PECAM1: variants seen among roughly 807,000 people sequenced by gnomAD.
The protein encoded by PECAM1 is platelet and endothelial cell adhesion molecule 1.
Under a neutral mutation model 13.8 loss-of-function variants are expected in PECAM1, and 8 were observed. The ratio of observed to expected loss-of-function variants is 0.58; its 90% CI spans 0.34 to 1.05. PECAM1 has a LOEUF of 1.05. PECAM1 is among the 50% of genes least tolerant of loss of function. PECAM1 has a pLI of 0.03. For missense variants in PECAM1, 304 were observed against 141.2 expected, an observed-to-expected ratio of 2.15 and a Z score of -5.84; for synonymous variants, 136 against 52.6, an observed-to-expected ratio of 2.58 and a Z score of -6.86.
intron 14 of PECAM1, among the ~76,000 whole-genome samples, chr17:64,339,546 C>T (rs4968621): frequency 0.5 from 76,112 of 151,454 alleles, 19,332 homozygotes; most frequent in Non-Finnish European, 0.54. Context: ...TTTTGTACAA[C>T]TGCACAATGG....
rs1400635487 is a variant in PECAM1 at position 64,390,624 on chromosome 17, TCCAAGCCACATCGTG to T, written c.27_41del (p.Thr10_Gly14del). On this transcript the variant is annotated inframe_deletion, in exon 1 of 16. Transcript: ENST00000563924. ...CACAGAGCAGAAGGGTCAGCAGGAC[TCCAAGCCACATCGTG>T]GCCCCTTGGGCCCACCTCGGCTGCA... 13 of 469,776 alleles carry T rather than the reference TCCAAGCCACATCGTG, an allele frequency of 2.8e-5. No homozygotes were observed. In the Admixed American group the frequency reaches 4.2e-4, roughly 15 times the overall value. The allele number at this position is 469,776 out of a possible 1,614,324, so 29.1% of individuals were successfully genotyped here. A position where few individuals can be genotyped will look rare whatever the true frequency, so the allele number is the denominator to read the frequency against.
chr17:64,380,394 G>A (rs1427046160), intron 2 of PECAM1, among the ~76,000 whole-genome samples: 2 of 152,006 alleles, frequency 1.3e-5, no homozygotes, highest in Non-Finnish European at 2.9e-5. Flanking sequence ...GGAAAAAAAT[G>A]TACTGAAAGT....
chr17:64,336,785 G>A (rs1429890249), intron 14 of PECAM1, among the ~76,000 whole-genome samples: 1 of 152,056 alleles, frequency 6.6e-6, no homozygotes, highest in Non-Finnish European at 1.5e-5. Context: ...TTGAGCCCAG[G>A]AGGTGGAGGC....
chr17:64,334,128 A>AG (rs1297156182), intron 14 of PECAM1, among the ~76,000 whole-genome samples: 9 of 149,712 alleles, frequency 6.0e-5, no homozygotes, highest in African/African-American at 2.2e-4. Context: ...AATTAAAAAA[A>AG]AAAAAAAAAA....
chr17:64,339,172 G>A (rs2035363242), intron 14 of PECAM1, among the ~76,000 whole-genome samples: 1 of 152,124 alleles, frequency 6.6e-6, no homozygotes, highest in South Asian at 2.1e-4. Flanking sequence ...CCTGCAGCGA[G>A]GATCCCTGCA....
intron 13 of PECAM1, among the ~76,000 whole-genome samples, chr17:64,347,698 T>C (rs934905404): frequency 1.1e-4 from 16 of 144,272 alleles, no homozygotes; most frequent in African/African-American, 4.1e-4. Flanking sequence ...TATGTATTTA[T>C]ATTTATATAT....
intron 13 of PECAM1, among the ~76,000 whole-genome samples, chr17:64,345,219 C>T (rs118194358): frequency 0.011 from 1,618 of 152,140 alleles, 48 homozygotes; most frequent in African/African-American, 0.037. Flanking sequence ...CTTGTAATCC[C>T]AGCACTTTGG....
intron 5 of PECAM1, among the ~76,000 whole-genome samples, chr17:64,364,358 G>A (rs144808936): frequency 0.41 from 62,546 of 151,522 alleles, 14,264 homozygotes; most frequent in South Asian, 0.58. Context: ...AAAGAGTCCA[G>A]GACCAGATGG....
At chr17:64,339,294 G>A (rs936422224) in intron 14 of PECAM1, among the ~76,000 whole-genome samples, 158 of 152,216 alleles carry the variant, frequency 1.0e-3, no homozygotes, top group Non-Finnish European at 2.0e-3. Flanking sequence ...GGCTTGCTGC[G>A]TGATCTTGGG....
At position 64,323,535 on chromosome 17, in the gene PECAM1, G is replaced by T. The variant is rs56074393; in HGVS notation, c.*281C>A. On this transcript the variant is annotated 3_prime_UTR_variant, in exon 16 of 16. Coordinates refer to ENST00000563924, the MANE Select transcript of PECAM1 (RefSeq NM_000442.5). The stretch of plus-strand genomic sequence containing the variant: ...AGTTTCAGAATATCCCAATGGCCTT[G>T]CCCTGGATCTCCTCTTGTGCTCTTC... 2.4e-5 allele frequency: 34 copies of T among 1,391,242 alleles called. No individual in the cohort carries two copies. The African/African-American group carries it at 4.5e-4, about 18-fold the overall frequency. 86.2% of individuals were successfully genotyped at this position (1,391,242 alleles called of 1,614,324 possible). A position where few individuals can be genotyped will look rare whatever the true frequency, so the allele number is the denominator to read the frequency against.
At chr17:64,369,311 A>G (rs2036185618) in intron 5 of PECAM1, among the ~76,000 whole-genome samples, 1 of 152,196 alleles carries the variant, frequency 6.6e-6, no homozygotes, top group South Asian at 2.1e-4. Context: ...GGGATCTAGC[A>G]TAGTGCTTGT....
chr17:64,375,949 C>T (rs1035627361), intron 3 of PECAM1, among the ~76,000 whole-genome samples: 64 of 151,886 alleles, frequency 4.2e-4, no homozygotes, highest in Admixed American at 1.2e-3. Flanking sequence ...TGGGAGGGAG[C>T]GAGGGATAAA....
chr17:64,337,165 A>G (rs1598003004), intron 14 of PECAM1, among the ~76,000 whole-genome samples: 1 of 151,804 alleles, frequency 6.6e-6, no homozygotes, highest in Admixed American at 6.6e-5. Flanking sequence ...CCCGAGGGCT[A>G]CAGCCTGTGC....
intron 14 of PECAM1, among the ~76,000 whole-genome samples, chr17:64,334,601 C>T (rs944395285): frequency 1.1e-3 from 162 of 152,146 alleles, no homozygotes; most frequent in Admixed American, 3.5e-3. Context: ...CTCTGCCTCC[C>T]GGGTTCACAC....
At position 64,363,274 on chromosome 17, in the gene PECAM1, G is replaced by A. The variant is rs1408204671; in HGVS notation, c.1091C>T (p.Thr364Met). Residue 364 changes from threonine (T) to methionine (M), a missense_variant, in exon 6 of 16, where the codon ACG becomes ATG. By Grantham distance (81) the Thr-to-Met change is moderately conservative (BLOSUM62 -1). Transcript: ENST00000563924. ...GAAATCTTGAGTCTGTGACACAATC[G>A]TATCTTCCTTCTGGATGGTGAAGTT... ...PANFTIQKED[T>M]IVSQTQDFTK... 3.4e-5 allele frequency: 16 copies of A among 475,334 alleles called. No individual in the cohort carries two copies. The highest frequency in any genetic ancestry group is 6.7e-5 in the South Asian group (1 of 14,880). 29.4% of individuals were successfully genotyped at this position (475,334 alleles called of 1,614,324 possible).
chr17:64,339,123 G>A (rs2035361700), intron 14 of PECAM1, among the ~76,000 whole-genome samples: 1 of 152,036 alleles, frequency 6.6e-6, no homozygotes, highest in African/African-American at 2.4e-5. Flanking sequence ...CACAGACTTC[G>A]CTGGAGGCCT....
At chr17:64,365,254 C>T (rs2036076915) in intron 5 of PECAM1, among the ~76,000 whole-genome samples, 1 of 152,142 alleles carries the variant, frequency 6.6e-6, no homozygotes, top group African/African-American at 2.4e-5. Flanking sequence ...ACCTAGGAAT[C>T]CAACTTACAA....
At chr17:64,362,930 C>T (rs1568027331) in intron 6 of PECAM1, among the ~76,000 whole-genome samples, 1 of 152,074 alleles carries the variant, frequency 6.6e-6, no homozygotes, top group Non-Finnish European at 1.5e-5. Flanking sequence ...CAGAATCTTG[C>T]CAGAATCTTA....
chr17:64,329,657 G>A (rs1351413617), intron 15 of PECAM1, 43 bp downstream of exon 15: 2 of 738,110 alleles, frequency 2.7e-6, no homozygotes, highest in African/African-American at 3.5e-5. Flanking sequence ...TCACTGTTCA[G>A]TGGAGTACTT....
Sources: allele counts gnomAD v4.1 joint callset (sites outside exome capture counted in the v4.1 genomes callset), GRCh38; gene constraint gnomAD v4.1.1; transcripts MANE v1.5; gene names NCBI Gene and HGNC (gene_info 2026-07-23, HGNC 2026-07-21).